The following EXT2 variants were observed in gnomAD, a reference collection of about 807,000 sequenced individuals.
EXT2 encodes the protein exostosin glycosyltransferase 2.
Under a neutral mutation model 81.6 loss-of-function variants are expected in EXT2, and 53 were observed. The ratio of observed to expected loss-of-function variants is 0.65; its 90% CI spans 0.52 to 0.82. EXT2 has a LOEUF of 0.82. EXT2 is among the 40% of genes least tolerant of loss of function. EXT2 has a pLI of 0.00. For synonymous variants in EXT2, 320 were observed against 340.0 expected (o/e 0.94, Z 0.65); for missense variants, 774 against 910.2 (o/e 0.85, Z 1.93).
At chr11:44,223,545 G>A (rs758483693) in intron 10 of EXT2, among the ~76,000 whole-genome samples, 2 of 152,062 alleles carry the variant, frequency 1.3e-5, no homozygotes, top group East Asian at 1.9e-4. Context: ...GTCACATACT[G>A]TGTGATTCCA....
intron 13 of EXT2, among the ~76,000 whole-genome samples, 182 bp from the exon 14 acceptor site, chr11:44,243,967 T>C (rs1956068244): frequency 6.6e-6 from 1 of 152,222 alleles, no homozygotes; most frequent in Admixed American, 6.5e-5. Flanking sequence ...TTTCCACACC[T>C]GTCAACCTTT....
chr11:44,236,187 GCAA>G (rs1955962518), intron 12 of EXT2, 103 bp from the exon 13 acceptor site: 2 of 974,200 alleles, frequency 2.1e-6, no homozygotes, highest in Non-Finnish European at 3.3e-6. Flanking sequence ...GCACGCGCAT[GCAA>G]CATCTCAGCT....
At position 44,171,624 on chromosome 11, in the gene EXT2, G is replaced by C. The variant is rs750542485; in HGVS notation, c.1187G>C (p.Trp396Ser). 5.0e-5 allele frequency: 80 copies of C among 1,613,984 alleles called. No individual in the cohort carries two copies. The highest frequency in any genetic ancestry group is 6.5e-5 in the Non-Finnish European group (77 of 1,180,028). The change falls in exon 8 of 14, where the codon TGG becomes TCG. Residue 396 changes from tryptophan (W) to serine (S), a missense_variant. By Grantham distance (177) the Trp-to-Ser change is radical. Coordinates refer to ENST00000533608, the MANE Select transcript of EXT2 (RefSeq NM_207122.2). Reference sequence around the variant, plus strand: ...TTTTCTTTATAGGCCCGGTGGTTCTGGGAAGCGTACTTCCAGTCAATTAAA... The same window carrying C: ...TTTTCTTTATAGGCCCGGTGGTTCTCGGAAGCGTACTTCCAGTCAATTAAA... ...EEMQRQARWF[W>S]EAYFQSIKAI...
Position 44,114,257 on chromosome 11 carries a change from T to C in EXT2, c.699T>C (p.Tyr233=), listed in dbSNP as rs1319747883. The C allele has an allele frequency of 4.5e-5, 72 of 1,614,150 alleles. No individual in the cohort carries two copies. Among genetic ancestry groups the C allele is most frequent in the Non-Finnish European group, 5.7e-5 (67 of 1,179,982 alleles). Residue 233 remains tyrosine, a synonymous_variant, in exon 4 of 14, where the codon TAT becomes TAC. Transcript: ENST00000533608. ...RQGYDVSIPV[Y]SPLSAEVDLP... is the part of the protein sequence containing the mutation. ...GCTACGATGTCAGCATTCCTGTCTA[T>C]AGTCCACTGTCAGCTGAGGTGGATC...
intron 10 of EXT2, among the ~76,000 whole-genome samples, chr11:44,214,145 T>G (rs1215414280): frequency 6.6e-6 from 1 of 151,962 alleles, no homozygotes; most frequent in Non-Finnish European, 1.5e-5. Flanking sequence ...AGACGGAGTC[T>G]CTCTGTCGCC....
At chr11:44,156,293 T>A (rs184715474) in intron 7 of EXT2, among the ~76,000 whole-genome samples, 68 of 152,322 alleles carry the variant, frequency 4.5e-4, no homozygotes, top group African/African-American at 1.6e-3. Flanking sequence ...AGTTCTCTAT[T>A]ATTATCCCTT....
rs1030944118 is a variant in EXT2, at chr11:44,250,565, C to A, written c.*6278C>A. ...TGGGGGTCTGGATCCTATCTGGCCC[C>A]GTCAGGGTGGATTACCAAATGAGCA... On this transcript the variant is annotated 3_prime_UTR_variant, in exon 14 of 14. Transcript: ENST00000533608. Among the ~76,000 whole-genome samples, 1 of 152,208 alleles carries A rather than the reference C, an allele frequency of 6.6e-6. No individual in the cohort carries two copies. The highest frequency in any genetic ancestry group is 2.4e-5 in the African/African-American group (1 of 41,456).
intron 7 of EXT2, among the ~76,000 whole-genome samples, chr11:44,139,424 A>G (rs1295251249): frequency 6.6e-6 from 1 of 152,156 alleles, no homozygotes; most frequent in Non-Finnish European, 1.5e-5. Context: ...TCTAGTAAGT[A>G]TAAGCTAAAA....
chr11:44,162,820 G>A (rs1954944957), intron 7 of EXT2, among the ~76,000 whole-genome samples: 1 of 152,072 alleles, frequency 6.6e-6, no homozygotes, highest in Non-Finnish European at 1.5e-5. Flanking sequence ...CATGTTTCCA[G>A]GAGTTGCATG....
At chr11:44,122,187 C>T (rs997162650) in intron 4 of EXT2, among the ~76,000 whole-genome samples, 5 of 152,156 alleles carry the variant, frequency 3.3e-5, no homozygotes, top group Non-Finnish European at 1.5e-5. Flanking sequence ...TTTGGAAAGA[C>T]CTTTAAAGAC....
intron 11 of EXT2, among the ~76,000 whole-genome samples, chr11:44,233,626 T>C (rs2135261877): frequency 6.6e-6 from 1 of 152,344 alleles, no homozygotes; most frequent in Non-Finnish European, 1.5e-5. Context: ...TCTGTTCAGC[T>C]CAACACAGTT....
chr11:44,104,311 G>A (rs573808863), intron 1 of EXT2, among the ~76,000 whole-genome samples: 1 of 152,030 alleles, frequency 6.6e-6, no homozygotes, highest in South Asian at 2.1e-4. Flanking sequence ...TAGCTTAAAT[G>A]TTGTTTTTTG....
intron 6 of EXT2, 85 bp downstream of exon 6, chr11:44,127,040 C>A (rs1954418273): frequency 6.6e-7 from 1 of 1,523,236 alleles, no homozygotes; most frequent in Non-Finnish European, 9.1e-7. Flanking sequence ...GTAATGTATA[C>A]CCTGGTTCAA....
At chr11:44,236,158 GGT>G (rs3832748) in intron 12 of EXT2, 133 bp from the exon 13 acceptor site, 27,163 of 562,216 alleles carry the variant, frequency 0.048, 131 homozygotes, top group East Asian at 0.14. Context: ...GGAATGGCGA[GGT>G]GTGTGTGTGT....
At chr11:44,113,927 T>A (rs536102053) in intron 3 of EXT2, among the ~76,000 whole-genome samples, 1 of 152,258 alleles carries the variant, frequency 6.6e-6, no homozygotes, top group South Asian at 2.1e-4. Context: ...AGGTGTCCTC[T>A]GGACTATGAT....
intron 8 of EXT2, among the ~76,000 whole-genome samples, chr11:44,193,590 A>T (rs141582569): frequency 2.6e-4 from 40 of 152,338 alleles, no homozygotes; most frequent in African/African-American, 9.4e-4. Flanking sequence ...AACTGACTTC[A>T]AACATGCTAA....
intron 8 of EXT2, among the ~76,000 whole-genome samples, chr11:44,194,665 CTTGGGGGTTG>C (rs936597110): frequency 5.3e-5 from 8 of 152,210 alleles, no homozygotes; most frequent in African/African-American, 1.9e-4. Flanking sequence ...CCGTATCTAT[CTTGGGGGTTG>C]TTGTGAATAT....
At chr11:44,166,830 A>G (rs1955000806) in intron 7 of EXT2, among the ~76,000 whole-genome samples, 1 of 152,206 alleles carries the variant, frequency 6.6e-6, no homozygotes, top group Non-Finnish European at 1.5e-5. Flanking sequence ...TGCTTTTGTT[A>G]GGAACTGAGT....
chr11:44,099,981 G>C (rs1384312048), intron 1 of EXT2, among the ~76,000 whole-genome samples: 1 of 152,194 alleles, frequency 6.6e-6, no homozygotes, highest in Non-Finnish European at 1.5e-5. Flanking sequence ...CAAGCATGGA[G>C]GAGTTTACGT....
Sources: allele counts gnomAD v4.1 joint callset (sites outside exome capture counted in the v4.1 genomes callset), GRCh38; gene constraint gnomAD v4.1.1; transcripts MANE v1.5; gene names NCBI Gene and HGNC (gene_info 2026-07-23, HGNC 2026-07-21).